Variants in RASA3 observed in about 807,000 individuals in gnomAD.
RASA3 encodes the protein ras GTPase-activating protein 3.
A neutral mutation model predicts 110.0 loss-of-function variants in RASA3; 73 were observed. The ratio of observed to expected loss-of-function variants is 0.66; its 90% CI spans 0.55 to 0.81. The LOEUF (loss-of-function observed/expected upper bound fraction) is 0.81, where lower values mean the gene tolerates loss of function less well. Ranked by LOEUF, RASA3 falls within the 30% of genes least tolerant of loss-of-function variation. The pLI, the probability that RASA3 is intolerant of heterozygous loss-of-function variation, is 0.00. For missense variants in RASA3, 976 were observed against 1,113.2 expected (o/e 0.88, Z 1.75); for synonymous variants, 500 against 451.4 (o/e 1.11, Z -1.37).
At position 114,016,275 on chromosome 13, in the gene RASA3, G is replaced by C. The variant is rs551608303; in HGVS notation, c.1207-4C>G. The C allele has an allele frequency of 6.3e-7, 1 of 1,582,118 alleles. No individual in the cohort carries two copies. Among genetic ancestry groups the C allele is most frequent in the Non-Finnish European group, 8.7e-7 (1 of 1,151,164 alleles). ...AGGGTTTGTGGCTCTGGCATATCTG[G>C]GGAGAGGTTTAAGACAGGGCTCTGT... On this transcript the variant is annotated splice_polypyrimidine_tract_variant and splice_region_variant and intron_variant, in intron 12 of 23. Coordinates refer to ENST00000334062, the MANE Select transcript of RASA3 (RefSeq NM_007368.4).
chr13:114,119,056 C>G (rs1448473763), intron 1 of RASA3, among the ~76,000 whole-genome samples: 1 of 152,018 alleles, frequency 6.6e-6, no homozygotes, highest in African/African-American at 2.4e-5. Context: ...TCTCCACCCC[C>G]CGCTTTCCTC....
At chr13:114,097,254 A>G (rs912375566) in intron 1 of RASA3, among the ~76,000 whole-genome samples, 1 of 152,192 alleles carries the variant, frequency 6.6e-6, no homozygotes, top group Admixed American at 6.5e-5. Context: ...GCTTCAGTTA[A>G]CTTGAGCAAT....
chr13:114,004,733 A>C (rs7988799), intron 18 of RASA3, among the ~76,000 whole-genome samples: 4 of 150,450 alleles, frequency 2.7e-5, no homozygotes, highest in Middle Eastern at 3.2e-3. Flanking sequence ...ATTTCTCAAG[A>C]AGCTAAAGGC....
chr13:113,995,463 C>T (rs1031053286), intron 21 of RASA3, among the ~76,000 whole-genome samples: 1 of 152,250 alleles, frequency 6.6e-6, no homozygotes, highest in Non-Finnish European at 1.5e-5. Flanking sequence ...GGCCCTTATG[C>T]GAAAGCATCA....
chr13:114,082,754 G>A (rs1285590297), intron 1 of RASA3, among the ~76,000 whole-genome samples: 2 of 152,224 alleles, frequency 1.3e-5, no homozygotes, highest in African/African-American at 4.8e-5. Context: ...TGCACCCCCA[G>A]GTGGGTGGTC....
rs1215212655 is a variant in RASA3, at chr13:114,048,941, G to A, written c.277+3111C>T. The stretch of plus-strand genomic sequence containing the variant: ...CTCACTTGCCGGGGCGCCGTATCCC[G>A]GCACGGCTTCAGCTGCCTTTCTCGG... On this transcript the variant is annotated intron_variant, in intron 3 of 23. Transcript: ENST00000334062. The surrounding 1 kb of genome is among the most constrained non-coding windows in gnomAD (Gnocchi z 4.3). Among the ~76,000 whole-genome samples the A allele has an allele frequency of 6.6e-6, 1 of 151,842 alleles. No individual in the cohort carries two copies. The highest frequency in any genetic ancestry group is 6.6e-5 in the Admixed American group (1 of 15,266).
chr13:114,053,688 A>G (rs993494182), intron 2 of RASA3, among the ~76,000 whole-genome samples: 1 of 152,274 alleles, frequency 6.6e-6, no homozygotes, highest in Non-Finnish European at 1.5e-5. Flanking sequence ...GAAGAAAATG[A>G]GAATGAACCT....
intron 2 of RASA3, among the ~76,000 whole-genome samples, chr13:114,062,554 G>A (rs1009739193): frequency 4.5e-5 from 6 of 132,958 alleles, no homozygotes; most frequent in Non-Finnish European, 7.9e-5. Context: ...CACAGCCCAC[G>A]TCCGCACGCA....
Position 114,065,752 on chromosome 13 carries a change from G to T in RASA3, c.173+7968C>A, listed in dbSNP as rs1374799846. Among the ~76,000 whole-genome samples the T allele has an allele frequency of 6.6e-6, 1 of 152,160 alleles. No individual in the cohort carries two copies. Among genetic ancestry groups the T allele is most frequent in the East Asian group, 1.9e-4 (1 of 5,198 alleles). On this transcript the variant is annotated intron_variant, in intron 2 of 23. Coordinates refer to ENST00000334062, the MANE Select transcript of RASA3 (RefSeq NM_007368.4). This position sits in a 1 kb window ranked among gnomAD's most constrained non-coding sequence, Gnocchi z 4.1. ...CAGAGGTCAGAGGCTGGAGGGCAGGGGTCCGTGGTCAGCTCACAGCCCACT... is the reference window on the plus strand; with the variant it reads ...CAGAGGTCAGAGGCTGGAGGGCAGGTGTCCGTGGTCAGCTCACAGCCCACT...
At chr13:114,047,619 T>C (rs1464594783) in intron 3 of RASA3, among the ~76,000 whole-genome samples, 2 of 152,210 alleles carry the variant, frequency 1.3e-5, no homozygotes, top group Non-Finnish European at 2.9e-5. Flanking sequence ...TACGGTGACT[T>C]TATTCATAAT....
At chr13:114,100,217 G>A (rs1458881717) in intron 1 of RASA3, among the ~76,000 whole-genome samples, 10 of 151,788 alleles carry the variant, frequency 6.6e-5, no homozygotes, top group Admixed American at 2.6e-4. Context: ...GCCCCGGCCC[G>A]CGGTGCTGAG....
intron 9 of RASA3, among the ~76,000 whole-genome samples, chr13:114,019,804 G>A (rs55880762): frequency 7.0e-6 from 1 of 142,478 alleles, no homozygotes; most frequent in Non-Finnish European, 1.5e-5. Context: ...GGTGGGTGGA[G>A]CCTGTGTCCG....
chr13:113,982,620 C>A (rs1490849916), intron 22 of RASA3, among the ~76,000 whole-genome samples: 1 of 152,260 alleles, frequency 6.6e-6, no homozygotes, highest in African/African-American at 2.4e-5. Flanking sequence ...TGGGCACGCA[C>A]TCCCGGAGCC....
chr13:114,028,194 C>T lies in RASA3; in HGVS notation c.450-267G>A, dbSNP rs900432858. Among the ~76,000 whole-genome samples the T allele has an allele frequency of 2.2e-5, 3 of 136,182 alleles. No homozygotes were observed. The Admixed American group carries it at 2.2e-4, about 10-fold the overall frequency. 89.3% of individuals were successfully genotyped at this position (136,182 alleles called of 152,430 possible). A position where few individuals can be genotyped will look rare whatever the true frequency, so the allele number is the denominator to read the frequency against. On this transcript the variant is annotated intron_variant, in intron 5 of 23. Coordinates refer to ENST00000334062, the MANE Select transcript of RASA3 (RefSeq NM_007368.4). ...GTGTGTGACAGCACATCTAAAGCAG[C>T]GTCATCGGGGGGGCGGGGGGCAGGA...
rs2053263005 is a variant in RASA3, at chr13:113,996,644, G to A, written c.2028C>T (p.Ser676=). ...KDWIDILTKV[S]QCNQKRLTVY... ...CGGTGAGGCGCTTCTGGTTGCACTG[G>A]CTCACTTTGGTGAGAATGTCGATCC... Residue 676 remains serine, a synonymous_variant, in exon 21 of 24, where the codon AGC becomes AGT. Coordinates refer to ENST00000334062, the MANE Select transcript of RASA3 (RefSeq NM_007368.4). 2 of 1,613,704 alleles carry A rather than the reference G, an allele frequency of 1.2e-6. No individual in the cohort carries two copies. The highest frequency in any genetic ancestry group is 1.7e-6 in the Non-Finnish European group (2 of 1,180,032).
At chr13:113,992,677 A>G (rs181760563) in intron 21 of RASA3, 89 bp from the exon 22 acceptor site, 1 of 1,008,744 alleles carries the variant, frequency 9.9e-7, no homozygotes, top group East Asian at 2.6e-5. Context: ...ATGTCACTGA[A>G]GAAAGACAAC....
At chr13:114,039,383 C>G (rs1004971754) in intron 4 of RASA3, among the ~76,000 whole-genome samples, 1 of 151,972 alleles carries the variant, frequency 6.6e-6, no homozygotes, top group Non-Finnish European at 1.5e-5. Context: ...AACTGAGGAC[C>G]CAGGAAGCCC....
chr13:114,001,032 C>T, intron 18 of RASA3, 100 bp from the exon 19 acceptor site: 1 of 765,622 alleles, frequency 1.3e-6, no homozygotes, highest in Middle Eastern at 2.6e-4. Context: ...AGACCTGAGG[C>T]AGGCAGTGGA....
intron 11 of RASA3, among the ~76,000 whole-genome samples, chr13:114,017,800 G>A (rs556499823): frequency 1.3e-5 from 2 of 152,280 alleles, no homozygotes; most frequent in Admixed American, 6.5e-5. Flanking sequence ...GGGAAGCTGT[G>A]CTCCATTTTT....
Sources: allele counts gnomAD v4.1 joint callset (sites outside exome capture counted in the v4.1 genomes callset), GRCh38; gene constraint gnomAD v4.1.1; non-coding constraint Gnocchi (gnomAD v3.1); transcripts MANE v1.5; gene names NCBI Gene and HGNC (gene_info 2026-07-23, HGNC 2026-07-21).